The following NRXN1 variants were observed in gnomAD, a reference collection of about 807,000 sequenced individuals.
NRXN1 encodes neurexin-1.
Under a neutral mutation model 150.9 loss-of-function variants are expected in NRXN1, and 39 were observed. That is an observed-to-expected ratio of 0.26 (90% CI 0.20 to 0.34). The LOEUF is 0.34. Ranked by LOEUF, NRXN1 falls within the 10% of genes least tolerant of loss-of-function variation. NRXN1 has a pLI of 1.00. For missense variants in NRXN1, 1,815 were observed against 1,949.9 expected (o/e 0.93, Z 1.30); for synonymous variants, 924 against 757.0 (o/e 1.22, Z -3.62).
chr2:50,426,790 C>T (rs2084532703), intron 17 of NRXN1, among the ~76,000 whole-genome samples: 1 of 152,132 alleles, frequency 6.6e-6, no homozygotes, highest in Non-Finnish European at 1.5e-5. Context: ...TGGTATAATA[C>T]ATTTCAAATG....
At chr2:50,761,428 C>A (rs186889606) in intron 5 of NRXN1, among the ~76,000 whole-genome samples, 219 of 152,000 alleles carry the variant, frequency 1.4e-3, no homozygotes, top group Non-Finnish European at 1.9e-3. Context: ...AGTTCCCCTG[C>A]ACACACTCTC....
chr2:50,877,300 G>C (rs912413978), intron 5 of NRXN1, among the ~76,000 whole-genome samples: 26 of 151,814 alleles, frequency 1.7e-4, no homozygotes, highest in Middle Eastern at 3.2e-3. Flanking sequence ...AACAAAGATA[G>C]AGAACATCAC....
At chr2:50,963,517 C>T (rs1397464117) in intron 2 of NRXN1, among the ~76,000 whole-genome samples, 2 of 151,622 alleles carry the variant, frequency 1.3e-5, no homozygotes, top group African/African-American at 2.4e-5. Flanking sequence ...TTTTAATTTT[C>T]CCCAATTGAC....
intron 2 of NRXN1, among the ~76,000 whole-genome samples, chr2:50,965,142 T>C (rs562059511): frequency 2.8e-4 from 42 of 151,402 alleles, no homozygotes; most frequent in African/African-American, 1.0e-3. Flanking sequence ...AACATCACAA[T>C]TGATTATATA....
intron 2 of NRXN1, among the ~76,000 whole-genome samples, chr2:50,983,726 T>A (rs1251803946): frequency 6.6e-6 from 1 of 152,158 alleles, no homozygotes; most frequent in Non-Finnish European, 1.5e-5. Context: ...AATCTGTTCA[T>A]TTTAATGAAA....
intron 5 of NRXN1, among the ~76,000 whole-genome samples, chr2:50,753,618 TTTCTC>T (rs923678241): frequency 1.3e-5 from 2 of 151,874 alleles, no homozygotes; most frequent in Non-Finnish European, 2.9e-5. Context: ...CTAGTTATCT[TTTCTC>T]TTCTTATCTC....
chr2:50,529,072 T>C (rs17040790), intron 11 of NRXN1: 3,115 of 156,954 alleles, frequency 0.02, 113 homozygotes, highest in African/African-American at 0.07. Context: ...AAATCTAATA[T>C]CCCACAAAGG....
At chr2:50,091,269 T>G in intron 19 of NRXN1, 54 bp downstream of exon 19, 1 of 1,597,364 alleles carries the variant, frequency 6.3e-7, no homozygotes. Context: ...CAGTGCTTTT[T>G]CTTCCAGTTT....
At chr2:50,644,574 A>C (rs928753873) in intron 5 of NRXN1, among the ~76,000 whole-genome samples, 3 of 151,588 alleles carry the variant, frequency 2.0e-5, no homozygotes, top group Admixed American at 6.6e-5. Flanking sequence ...GGAATGAAAT[A>C]AAATTCTCTA....
At chr2:50,593,202 G>T (rs62142318) in intron 8 of NRXN1, among the ~76,000 whole-genome samples, 10 of 152,196 alleles carry the variant, frequency 6.6e-5, no homozygotes, top group Admixed American at 4.6e-4. Flanking sequence ...ATACTGTGGC[G>T]GGATAAATAA....
intron 17 of NRXN1, among the ~76,000 whole-genome samples, chr2:50,380,883 T>C (rs749732660): frequency 6.6e-6 from 1 of 152,150 alleles, no homozygotes; most frequent in Non-Finnish European, 1.5e-5. Context: ...CTTGTAAGCC[T>C]AATAAGCATA....
intron 5 of NRXN1, among the ~76,000 whole-genome samples, chr2:50,788,423 T>C (rs956302971): frequency 1.3e-5 from 2 of 152,094 alleles, no homozygotes. Context: ...AAGAGCTTTC[T>C]GTTGAGACTG....
At chr2:50,293,691 C>T (rs1289715719) in intron 17 of NRXN1, among the ~76,000 whole-genome samples, 2 of 152,100 alleles carry the variant, frequency 1.3e-5, no homozygotes, top group African/African-American at 2.4e-5. Flanking sequence ...ATACACACTG[C>T]TATTAGAAAG....
intron 8 of NRXN1, among the ~76,000 whole-genome samples, chr2:50,595,387 C>T (rs890473511): frequency 6.6e-6 from 1 of 151,162 alleles, no homozygotes; most frequent in Non-Finnish European, 1.5e-5. Flanking sequence ...TGCTCCAAAT[C>T]CCTTGATTAT....
At chr2:50,998,133 T>G (rs1699566613) in intron 2 of NRXN1, among the ~76,000 whole-genome samples, 1 of 141,566 alleles carries the variant, frequency 7.1e-6, no homozygotes. Flanking sequence ...TTACTTCATA[T>G]CTTCCTTATT....
chr2:49,956,537 G>A (rs763965415), intron 21 of NRXN1, among the ~76,000 whole-genome samples: 13 of 151,708 alleles, frequency 8.6e-5, no homozygotes, highest in Non-Finnish European at 1.6e-4. Context: ...CATTCATGGT[G>A]TCCCAACTCC....
chr2:49,941,561 T>C (rs1671976769), intron 22 of NRXN1, among the ~76,000 whole-genome samples: 1 of 152,082 alleles, frequency 6.6e-6, no homozygotes, highest in Non-Finnish European at 1.5e-5. Flanking sequence ...GTGCAATTAG[T>C]TACTGTGATT....
At chr2:50,301,875 T>G (rs2074183855) in intron 17 of NRXN1, among the ~76,000 whole-genome samples, 1 of 152,170 alleles carries the variant, frequency 6.6e-6, no homozygotes, top group Non-Finnish European at 1.5e-5. Flanking sequence ...TACAAATGAA[T>G]GAGACATTCT....
At chr2:50,316,277 A>C (rs570236239) in intron 17 of NRXN1, among the ~76,000 whole-genome samples, 2 of 152,138 alleles carry the variant, frequency 1.3e-5, no homozygotes, top group South Asian at 4.1e-4. Flanking sequence ...TTCCAACTGA[A>C]ACCTTATGTC....
Sources: allele counts gnomAD v4.1 joint callset (sites outside exome capture counted in the v4.1 genomes callset), GRCh38; gene constraint gnomAD v4.1.1; transcripts MANE v1.5; gene names NCBI Gene and HGNC (gene_info 2026-07-23, HGNC 2026-07-21).